Variants in PTPRM observed in about 807,000 individuals in gnomAD.
PTPRM encodes protein tyrosine phosphatase receptor type M, also known as receptor-type tyrosine-protein phosphatase mu.
A neutral mutation model predicts 186.7 loss-of-function variants in PTPRM; 47 were observed. The observed-to-expected ratio is 0.25, with a 90% CI of 0.20 to 0.32. PTPRM has a LOEUF of 0.32. PTPRM is among the 10% of genes least tolerant of loss of function. PTPRM has a pLI of 1.00. For missense variants in PTPRM, 1,494 were observed against 1,865.0 expected, an observed-to-expected ratio of 0.80 and a Z score of 3.66; for synonymous variants, 668 against 674.9, an observed-to-expected ratio of 0.99 and a Z score of 0.16.
chr18:7,964,010 AT>A (rs1210090731), intron 7 of PTPRM, among the ~76,000 whole-genome samples: 1 of 152,192 alleles, frequency 6.6e-6, no homozygotes, highest in Non-Finnish European at 1.5e-5. Context: ...GGCCATCTTA[AT>A]TTCCCCCAAA....
chr18:8,023,517 A>G (rs917653722), intron 7 of PTPRM, among the ~76,000 whole-genome samples: 2 of 152,184 alleles, frequency 1.3e-5, no homozygotes, highest in East Asian at 1.9e-4. Context: ...AACTTGGCAT[A>G]AAGTGTTTTA....
At chr18:7,640,361 A>G (rs1401033701) in intron 1 of PTPRM, among the ~76,000 whole-genome samples, 3 of 152,110 alleles carry the variant, frequency 2.0e-5, no homozygotes, top group Non-Finnish European at 4.4e-5. Context: ...AGCTTTAGAG[A>G]TCATCTTACT....
intron 8 of PTPRM, among the ~76,000 whole-genome samples, chr18:8,073,401 G>A (rs902326253): frequency 3.9e-5 from 6 of 152,172 alleles, no homozygotes; most frequent in South Asian, 4.1e-4. Context: ...AGACTTAGTC[G>A]AGTTTTCTCA....
At chr18:8,032,882 G>T (rs2086078663) in intron 7 of PTPRM, among the ~76,000 whole-genome samples, 1 of 152,000 alleles carries the variant, frequency 6.6e-6, no homozygotes, top group Non-Finnish European at 1.5e-5. Context: ...ATAGGTTAAG[G>T]TTTAACCCCA....
At chr18:8,399,125 A>C (rs938483167) in intron 32 of PTPRM, among the ~76,000 whole-genome samples, 18 of 152,256 alleles carry the variant, frequency 1.2e-4, no homozygotes, top group Non-Finnish European at 2.1e-4. Flanking sequence ...TGCTCCAAGG[A>C]GCTGAGCAGA....
rs983633417 is a variant in PTPRM at position 8,106,126 on chromosome 18, A to C, written c.1857-7360A>C. On this transcript the variant is annotated intron_variant, in intron 11 of 32. Coordinates refer to ENST00000580170, the MANE Select transcript of PTPRM (RefSeq NM_001105244.2). ...TTCATGCTCTGCAGGACAGGAATTG[A>C]ATGAGGAAGACCCTGCCATTCTTGT... Among the ~76,000 whole-genome samples, 8 of 152,162 alleles carry C rather than the reference A, an allele frequency of 5.3e-5. No homozygotes were observed. The East Asian group carries it at 1.5e-3, about 29-fold the overall frequency.
chr18:8,350,044 C>G (rs1052712059), intron 23 of PTPRM, among the ~76,000 whole-genome samples: 1 of 152,182 alleles, frequency 6.6e-6, no homozygotes. Flanking sequence ...CCTGTCGGGG[C>G]AAATCCTCTA....
intron 23 of PTPRM, among the ~76,000 whole-genome samples, chr18:8,358,190 C>A (rs776419522): frequency 1.8e-4 from 27 of 150,964 alleles, no homozygotes; most frequent in Non-Finnish European, 3.4e-4. Flanking sequence ...ATCTCTTTTA[C>A]AATTTTCACA....
At chr18:8,145,903 A>G (rs921500401) in intron 14 of PTPRM, among the ~76,000 whole-genome samples, 1 of 152,210 alleles carries the variant, frequency 6.6e-6, no homozygotes, top group Non-Finnish European at 1.5e-5. Flanking sequence ...TTGAGGAATC[A>G]CCACACCGTC....
chr18:7,875,209 AAAG>A (rs2048177207), intron 2 of PTPRM, among the ~76,000 whole-genome samples: 1 of 152,188 alleles, frequency 6.6e-6, no homozygotes. Context: ...AAAGAAAAAA[AAAG>A]AAATTCTTTA....
chr18:8,038,831 A>G (rs2086512885), intron 7 of PTPRM, among the ~76,000 whole-genome samples: 1 of 152,124 alleles, frequency 6.6e-6, no homozygotes. Flanking sequence ...CCCAGTTTTA[A>G]TTCTGGAAAC....
intron 1 of PTPRM, among the ~76,000 whole-genome samples, chr18:7,629,289 A>C (rs2038135302): frequency 6.6e-6 from 1 of 152,208 alleles, no homozygotes; most frequent in African/African-American, 2.4e-5. Context: ...CCGAGATTAG[A>C]GAATTTAGCC....
chr18:8,247,565 T>A (rs2094489100), intron 15 of PTPRM, among the ~76,000 whole-genome samples: 1 of 152,142 alleles, frequency 6.6e-6, no homozygotes, highest in African/African-American at 2.4e-5. Flanking sequence ...AAAATAGAAG[T>A]CTGATGAATT....
At chr18:8,063,352 A>G (rs938373409) in intron 7 of PTPRM, among the ~76,000 whole-genome samples, 2 of 150,796 alleles carry the variant, frequency 1.3e-5, no homozygotes, top group Non-Finnish European at 2.9e-5. Context: ...ACTGTCTGGC[A>G]CTCCCTAGTG....
chr18:8,149,583 T>A (rs958099136), intron 14 of PTPRM, among the ~76,000 whole-genome samples: 7 of 152,220 alleles, frequency 4.6e-5, no homozygotes, highest in African/African-American at 1.7e-4. Flanking sequence ...AGCACACTGA[T>A]GGGTCTTGAC....
intron 7 of PTPRM, among the ~76,000 whole-genome samples, chr18:8,026,284 A>C (rs2148012869): frequency 6.6e-6 from 1 of 152,330 alleles, no homozygotes; most frequent in Admixed American, 6.5e-5. Flanking sequence ...GTGGTATCAA[A>C]CACCAGCTTC....
At chr18:8,134,788 T>G (rs575725870) in intron 13 of PTPRM, among the ~76,000 whole-genome samples, 35 of 152,304 alleles carry the variant, frequency 2.3e-4, no homozygotes, top group African/African-American at 7.9e-4. Context: ...AGATCACTTT[T>G]AACTTGAGTC....
intron 1 of PTPRM, among the ~76,000 whole-genome samples, chr18:7,582,791 A>G (rs1439635029): frequency 1.3e-5 from 2 of 152,196 alleles, no homozygotes; most frequent in African/African-American, 2.4e-5. Flanking sequence ...TTATCTGCAA[A>G]TAGGGTCAAT....
At chr18:8,315,180 C>G (rs1164262851) in intron 21 of PTPRM, among the ~76,000 whole-genome samples, 1 of 152,216 alleles carries the variant, frequency 6.6e-6, no homozygotes, top group Non-Finnish European at 1.5e-5. Flanking sequence ...TTTGCCATCT[C>G]ATGCTTATGT....
Sources: gnomAD v4.1 joint callset for allele counts (sites outside exome capture counted in the v4.1 genomes callset) on GRCh38, gnomAD v4.1.1 for gene constraint, MANE v1.5 for transcripts, NCBI Gene and HGNC (gene_info 2026-07-23, HGNC 2026-07-21) for gene names.